Variants in THSD7A observed in about 807,000 individuals in gnomAD.
THSD7A encodes the protein thrombospondin type 1 domain containing 7A.
In THSD7A, 96 loss-of-function variants were observed where a neutral mutation model predicts 231.3. That is an observed-to-expected ratio of 0.41 (90% CI 0.35 to 0.49). The LOEUF (loss-of-function observed/expected upper bound fraction) is 0.49. THSD7A is among the 20% of genes least tolerant of loss of function. The probability of loss-of-function intolerance (pLI) is 0.05; values close to 1 mark genes in which losing one functional copy is unlikely to be tolerated. For missense variants in THSD7A, 2,290 were observed against 2,070.2 expected, an observed-to-expected ratio of 1.11 and a Z score of -2.06; for synonymous variants, 940 against 743.3, an observed-to-expected ratio of 1.26 and a Z score of -4.30.
intron 2 of THSD7A, among the ~76,000 whole-genome samples, chr7:11,599,175 C>A (rs367963951): frequency 6.6e-6 from 1 of 152,116 alleles, no homozygotes; most frequent in Non-Finnish European, 1.5e-5. Context: ...TCAATTAGGG[C>A]GTCTCTTAGT....
chr7:11,780,281 A>G (rs556902681), intron 1 of THSD7A, among the ~76,000 whole-genome samples: 39 of 152,298 alleles, frequency 2.6e-4, no homozygotes, highest in African/African-American at 8.4e-4. Flanking sequence ...TATTTAGTCT[A>G]TAACACTGTC....
chr7:11,735,955 T>TAC (rs537756651), intron 1 of THSD7A, among the ~76,000 whole-genome samples: 417 of 152,066 alleles, frequency 2.7e-3, no homozygotes, highest in Non-Finnish European at 5.1e-3. Context: ...TAAATGGCAG[T>TAC]GTATTTACTT....
chr7:11,780,456 T>A (rs560788124), intron 1 of THSD7A, among the ~76,000 whole-genome samples: 2 of 152,142 alleles, frequency 1.3e-5, no homozygotes, highest in African/African-American at 2.4e-5. Flanking sequence ...GCTGTGACAT[T>A]TTGAGTTTAC....
intron 1 of THSD7A, among the ~76,000 whole-genome samples, chr7:11,812,875 A>G (rs897636846): frequency 6.6e-6 from 1 of 152,202 alleles, no homozygotes; most frequent in Non-Finnish European, 1.5e-5. Context: ...TTTGGGTTAA[A>G]TCACTTAACT....
Position 11,444,659 on chromosome 7 carries a change from G to T in THSD7A, c.3064+1402C>A, listed in dbSNP as rs1280693496. Among the ~76,000 whole-genome samples the T allele has an allele frequency of 6.6e-6, 1 of 151,556 alleles. No homozygotes were observed. Among genetic ancestry groups the T allele is most frequent in the African/African-American group, 2.4e-5 (1 of 41,210 alleles). ...GAGAAATACCTAATGTAGATGACGG[G>T]TTGATGGGTGCAGCAAACCACCATG... On this transcript the variant is annotated intron_variant, in intron 13 of 27. Transcript: ENST00000423059. The surrounding 1 kb of genome is among the most constrained non-coding windows in gnomAD (Gnocchi z 4.2).
Position 11,636,721 on chromosome 7 carries a change from A to G in THSD7A, c.431T>C (p.Leu144Pro), listed in dbSNP as rs764313707. The change falls in exon 2 of 28, where the codon CTT (leucine) becomes CCT (proline). Residue 144 changes from leucine to proline, a missense_variant. Transcript: ENST00000423059. The surrounding 1 kb of genome is among the most constrained non-coding windows in gnomAD (Gnocchi z 10.0). ...ACCTTCTTCCCCCTTAATGCACTCAAGAGGTTTCTCTAGGCTTTTTGAAAT... is the reference window on the plus strand; with the variant it reads ...ACCTTCTTCCCCCTTAATGCACTCAGGAGGTTTCTCTAGGCTTTTTGAAAT... ...PVISKSLEKP[L>P]ECIKGEEGIQ... 5 of 1,613,824 alleles carry G rather than the reference A, an allele frequency of 3.1e-6. No homozygotes were observed. In the African/African-American group the frequency reaches 4.0e-5, roughly 13 times the overall value.
chr7:11,408,261 C>T (rs749739546), intron 19 of THSD7A, among the ~76,000 whole-genome samples: 7 of 152,106 alleles, frequency 4.6e-5, no homozygotes, highest in African/African-American at 1.7e-4. Context: ...GTAATCCCAG[C>T]ACTTTGGGAG....
At chr7:11,425,098 A>G (rs142065217) in intron 15 of THSD7A, among the ~76,000 whole-genome samples, 102 of 152,258 alleles carry the variant, frequency 6.7e-4, no homozygotes, top group Non-Finnish European at 1.2e-3. Context: ...ATATTTTCCT[A>G]TGCTGACCCT....
chr7:11,638,749 G>A (rs1220403933), intron 1 of THSD7A, among the ~76,000 whole-genome samples: 3 of 152,090 alleles, frequency 2.0e-5, no homozygotes, highest in Non-Finnish European at 2.9e-5. Context: ...TCTCCTTGAA[G>A]TATGAATGTT....
intron 6 of THSD7A, among the ~76,000 whole-genome samples, chr7:11,506,879 GT>G (rs201040502): frequency 0.28 from 43,062 of 151,806 alleles, 6,276 homozygotes; most frequent in South Asian, 0.42. Context: ...GTACCCCTTT[GT>G]TTTTTTCCCC....
intron 2 of THSD7A, among the ~76,000 whole-genome samples, chr7:11,618,998 T>C (rs1413469948): frequency 6.6e-6 from 1 of 151,948 alleles, no homozygotes; most frequent in Admixed American, 6.6e-5. Context: ...AAGATAGTAA[T>C]ACATAAAATT....
chr7:11,594,289 AC>A lies in THSD7A; in HGVS notation c.1023-788del, dbSNP rs556565495. On this transcript the variant is annotated intron_variant, in intron 2 of 27. Coordinates refer to ENST00000423059, the MANE Select transcript of THSD7A (RefSeq NM_015204.3). ...ATAATACTTAATAACTACACTTTAT[AC>A]ATATATCTATCCTATCAGTTCTGTC... 2.8e-3 allele frequency among the ~76,000 whole-genome samples: 433 copies of A among 152,268 alleles called. 2 individuals carry two copies. The highest frequency in any genetic ancestry group is 9.8e-3 in the African/African-American group (406 of 41,546).
intron 2 of THSD7A, among the ~76,000 whole-genome samples, chr7:11,613,410 C>T (rs969610157): frequency 6.6e-6 from 1 of 152,144 alleles, no homozygotes; most frequent in East Asian, 1.9e-4. Context: ...ATACCAGCAG[C>T]TCTGAACCTG....
At chr7:11,456,868 C>T (rs1036202877) in intron 11 of THSD7A, among the ~76,000 whole-genome samples, 2 of 151,930 alleles carry the variant, frequency 1.3e-5, no homozygotes, top group African/African-American at 4.8e-5. Context: ...TGATAAAAGT[C>T]ATGAAGTAAA....
intron 4 of THSD7A, among the ~76,000 whole-genome samples, chr7:11,546,196 G>GCA (rs1554335261): frequency 3.8e-4 from 14 of 36,952 alleles, no homozygotes; most frequent in Admixed American, 3.5e-3. Flanking sequence ...GCTGGTGTGG[G>GCA]CGCGCGCTCA....
At position 11,507,747 on chromosome 7, in the gene THSD7A, A is replaced by G. The variant is rs528227341; in HGVS notation, c.1823-25765T>C. ...TGTTTATATATACAGTGGAAGAAAT[A>G]TTTGGTTTTTATTGTAAGGCTTTAA... On this transcript the variant is annotated intron_variant, in intron 6 of 27. Coordinates refer to ENST00000423059, the MANE Select transcript of THSD7A (RefSeq NM_015204.3). Among the ~76,000 whole-genome samples the G allele has an allele frequency of 2.6e-5, 4 of 152,262 alleles. No homozygotes were observed. In the South Asian group the frequency reaches 8.3e-4, roughly 32 times the overall value.
intron 1 of THSD7A, among the ~76,000 whole-genome samples, chr7:11,671,435 T>G (rs1783388299): frequency 6.6e-6 from 1 of 152,202 alleles, no homozygotes; most frequent in African/African-American, 2.4e-5. Context: ...TATAGGCATG[T>G]GTATTTTGAA....
intron 1 of THSD7A, among the ~76,000 whole-genome samples, chr7:11,762,962 T>G (rs952308740): frequency 1.3e-5 from 2 of 152,142 alleles, no homozygotes; most frequent in Admixed American, 1.3e-4. Context: ...GTAAAATTCA[T>G]ATGGAACCAA....
chr7:11,803,746 C>T (rs1322169641), intron 1 of THSD7A, among the ~76,000 whole-genome samples: 1 of 152,092 alleles, frequency 6.6e-6, no homozygotes, highest in Non-Finnish European at 1.5e-5. Context: ...TGTAGAATCA[C>T]CTGATGAGCT....
Sources: gnomAD v4.1 joint callset for allele counts (sites outside exome capture counted in the v4.1 genomes callset) on GRCh38, gnomAD v4.1.1 for gene constraint, Gnocchi (gnomAD v3.1) non-coding constraint, MANE v1.5 for transcripts, NCBI Gene and HGNC (gene_info 2026-07-23, HGNC 2026-07-21) for gene names.